The following PYHIN1 variants were observed in gnomAD, a reference collection of about 807,000 sequenced individuals.
PYHIN1 encodes pyrin and HIN domain family member 1, also known as pyrin and HIN domain-containing protein 1.
A neutral mutation model predicts 43.7 loss-of-function variants in PYHIN1; 32 were observed. The ratio of observed to expected loss-of-function variants is 0.73; its 90% CI spans 0.55 to 0.98. PYHIN1 has a LOEUF of 0.98. Among genes scored for constraint, PYHIN1 ranks in the 50% least tolerant of loss-of-function variants. PYHIN1 has a pLI of 0.00. For missense variants in PYHIN1, 588 were observed against 589.5 expected (o/e 1.00, Z 0.03); for synonymous variants, 205 against 203.1 (o/e 1.01, Z -0.08).
intron 7 of PYHIN1, 87 bp downstream of exon 7, chr1:158,945,129 C>A: frequency 7.6e-7 from 1 of 1,316,748 alleles, no homozygotes; most frequent in Non-Finnish European, 1.0e-6. Context: ...CTCTTCTAAT[C>A]CCTAACTGTG....
At chr1:158,976,291 G>A (rs1277377705) in intron 8 of PYHIN1, among the ~76,000 whole-genome samples, 1 of 152,050 alleles carries the variant, frequency 6.6e-6, no homozygotes, top group Admixed American at 6.6e-5. Flanking sequence ...CCAGTTCTCA[G>A]GGCCATTAGT....
At chr1:158,965,959 T>C (rs1266201427) in intron 7 of PYHIN1, among the ~76,000 whole-genome samples, 1 of 151,590 alleles carries the variant, frequency 6.6e-6, no homozygotes, top group Non-Finnish European at 1.5e-5. Context: ...GTTCATCTGT[T>C]GAAAAAATTA....
At chr1:158,935,013 G>A (rs954178174) in intron 1 of PYHIN1, among the ~76,000 whole-genome samples, 4 of 152,094 alleles carry the variant, frequency 2.6e-5, no homozygotes, top group African/African-American at 9.7e-5. Context: ...AATTTAAAAA[G>A]GAAACAGGAA....
intron 8 of PYHIN1, among the ~76,000 whole-genome samples, chr1:158,974,782 T>G (rs779963855): frequency 2.0e-5 from 3 of 151,916 alleles, no homozygotes; most frequent in Non-Finnish European, 2.9e-5. Context: ...TATTTGAGAG[T>G]CAAAGCTAGC....
chr1:158,983,726 C>T, the PYHIN1 span, among the ~76,000 whole-genome samples: 2 of 152,064 alleles, frequency 1.3e-5, no homozygotes, highest in South Asian at 2.1e-4. Context: ...TCAGCTCCTC[C>T]TTATCTATCA....
At chr1:158,973,841 G>A (rs999685550) in intron 8 of PYHIN1, 70 bp downstream of exon 8, 3 of 1,499,238 alleles carry the variant, frequency 2.0e-6, no homozygotes, top group South Asian at 1.2e-5. Flanking sequence ...GTCTTCAAAG[G>A]GATTCTCATT....
chr1:158,944,453 G>A (rs1051387680), intron 6 of PYHIN1, among the ~76,000 whole-genome samples: 4 of 152,078 alleles, frequency 2.6e-5, no homozygotes, highest in South Asian at 2.1e-4. Flanking sequence ...CTCTTAACAA[G>A]GTAAAGACAG....
At chr1:158,943,642 G>A (rs1188720672) in intron 5 of PYHIN1, 148 bp from the exon 6 acceptor site, 3 of 498,250 alleles carry the variant, frequency 6.0e-6, no homozygotes, top group Non-Finnish European at 1.1e-5. Flanking sequence ...TCTGTGAGAT[G>A]GTCTAGACTA....
chr1:158,950,681 A>T (rs1046537126), intron 7 of PYHIN1, among the ~76,000 whole-genome samples: 1 of 152,234 alleles, frequency 6.6e-6, no homozygotes, highest in Non-Finnish European at 1.5e-5. Context: ...AAAATTAAGC[A>T]TAAATAAGGC....
chr1:158,947,381 T>C, intron 7 of PYHIN1, among the ~76,000 whole-genome samples: 1 of 152,224 alleles, frequency 6.6e-6, no homozygotes, highest in East Asian at 1.9e-4. Flanking sequence ...CCTTTCATCC[T>C]TTCACTTTGT....
Position 158,942,037 on chromosome 1 carries a change from C to T in PYHIN1, c.640C>T (p.Pro214Ser), listed in dbSNP as rs2101657626. 1 of 1,612,712 alleles carries T rather than the reference C, an allele frequency of 6.2e-7. No individual in the cohort carries two copies. Among genetic ancestry groups the T allele is most frequent in the Middle Eastern group, 1.7e-4 (1 of 6,058 alleles). Residue 214 changes from proline to serine, a missense_variant, in exon 5 of 9, where the codon CCA (proline) becomes TCA (serine). Pro to Ser is a moderately conservative substitution (Grantham distance 74). Coordinates refer to ENST00000368140, the MANE Select transcript of PYHIN1 (RefSeq NM_152501.5). ...TASKNIFRED[P>S]IIAMVLNATK... Reference sequence around the variant, plus strand: ...CAGTAAAAATATTTTCCGAGAAGACCCAATAATCGCGATGGTACTAAATGC... The same window carrying T: ...CAGTAAAAATATTTTCCGAGAAGACTCAATAATCGCGATGGTACTAAATGC...
At chr1:158,962,378 A>G (rs986683390) in intron 7 of PYHIN1, among the ~76,000 whole-genome samples, 1 of 152,168 alleles carries the variant, frequency 6.6e-6, no homozygotes, top group African/African-American at 2.4e-5. Flanking sequence ...CAGGTTCTGA[A>G]GGATGGGCAG....
At chr1:158,952,389 A>G (rs1163722511) in intron 7 of PYHIN1, among the ~76,000 whole-genome samples, 1 of 152,146 alleles carries the variant, frequency 6.6e-6, no homozygotes, top group Non-Finnish European at 1.5e-5. Flanking sequence ...TTAAAAAAAA[A>G]AAATGGGTTT....
chr1:158,989,950 CTT>C, the PYHIN1 span, among the ~76,000 whole-genome samples: 1 of 151,828 alleles, frequency 6.6e-6, no homozygotes, highest in Non-Finnish European at 1.5e-5. Flanking sequence ...TTAGTTTCCT[CTT>C]TTATCTACAG....
chr1:158,981,368 G>C (rs1266356150), downstream of PYHIN1, among the ~76,000 whole-genome samples: 1 of 152,150 alleles, frequency 6.6e-6, no homozygotes, highest in Non-Finnish European at 1.5e-5. Context: ...CTACTTGGGA[G>C]CCTGGGGCAG....
At chr1:158,975,878 GA>G (rs1235001328) in intron 8 of PYHIN1, among the ~76,000 whole-genome samples, 1 of 152,114 alleles carries the variant, frequency 6.6e-6, no homozygotes, top group Non-Finnish European at 1.5e-5. Flanking sequence ...CTCATTTACT[GA>G]GTATGCAGAA....
chr1:158,976,058 G>A (rs1381856911), intron 8 of PYHIN1, among the ~76,000 whole-genome samples: 1 of 152,030 alleles, frequency 6.6e-6, no homozygotes, highest in Non-Finnish European at 1.5e-5. Context: ...AATTACCAAG[G>A]ATGTCCCTAA....
chr1:158,973,834 T>A (rs1276936297), intron 8 of PYHIN1, 63 bp downstream of exon 8: 1 of 1,520,802 alleles, frequency 6.6e-7, no homozygotes, highest in Non-Finnish European at 9.0e-7. Flanking sequence ...AATCAGAGTC[T>A]TCAAAGGGAT....
At chr1:158,981,084 T>A (rs1172458176), downstream of PYHIN1, among the ~76,000 whole-genome samples, 2 of 152,182 alleles carry the variant, frequency 1.3e-5, no homozygotes, top group East Asian at 3.8e-4. Flanking sequence ...CCCCCAGTAA[T>A]GATTTTGTAT....
Sources: allele counts gnomAD v4.1 joint callset (sites outside exome capture counted in the v4.1 genomes callset), GRCh38; gene constraint gnomAD v4.1.1; transcripts MANE v1.5; gene names NCBI Gene and HGNC (gene_info 2026-07-23, HGNC 2026-07-21).